Variants in UPRT observed in about 807,000 individuals in gnomAD.
UPRT encodes RP11-311P8.3.
In UPRT, 5 loss-of-function variants were observed where a neutral mutation model predicts 22.6. That is an observed-to-expected ratio of 0.22 (90% CI 0.12 to 0.47). The LOEUF is 0.47. UPRT is among the 20% of genes least tolerant of loss of function. The pLI is 0.99. For missense variants in UPRT, 181 were observed against 239.9 expected (o/e 0.75, Z 1.62); for synonymous variants, 77 against 87.7 (o/e 0.88, Z 0.68).
intron 1 of UPRT, among the ~76,000 whole-genome samples, chrX:75,284,272 T>G (rs1017339705): frequency 8.9e-6 from 1 of 111,837 alleles, no homozygotes; most frequent in African/African-American, 3.3e-5. Flanking sequence ...GCTTAATAAC[T>G]AACCTCCTGA....
chrX:75,243,335 A>G (rs1394639180), intron 4 of UPRT, among the ~76,000 whole-genome samples: 2 of 111,193 alleles, frequency 1.8e-5, no homozygotes, highest in African/African-American at 3.3e-5. Context: ...TCATGAATCT[A>G]TGGGAGTGTA....
intron 4 of UPRT, among the ~76,000 whole-genome samples, chrX:75,246,645 G>A (rs2082507585): frequency 9.0e-6 from 1 of 111,385 alleles, no homozygotes; most frequent in South Asian, 3.8e-4. Context: ...GGGTCAAATG[G>A]TATTTCTAGT....
At chrX:75,194,682 C>T (rs1026838138) in intron 4 of UPRT, among the ~76,000 whole-genome samples, 9 of 111,003 alleles carry the variant, frequency 8.1e-5, no homozygotes, top group South Asian at 7.8e-4. Flanking sequence ...TGTTTTTACA[C>T]GGGTGATGGT....
intron 1 of UPRT, among the ~76,000 whole-genome samples, chrX:75,276,940 T>C (rs910204439): frequency 1.8e-5 from 2 of 111,868 alleles, no homozygotes; most frequent in African/African-American, 6.5e-5. Context: ...TTTCTATTTC[T>C]AATGGTTTGC....
At chrX:75,200,431 C>CA (rs2082344296) in intron 4 of UPRT, among the ~76,000 whole-genome samples, 1 of 110,934 alleles carries the variant, frequency 9.0e-6, no homozygotes, top group South Asian at 3.9e-4. Flanking sequence ...TGGTCTCTAC[C>CA]AAAAAATGCA....
chrX:75,235,942 G>A (rs1367334053), intron 4 of UPRT, among the ~76,000 whole-genome samples: 2 of 111,048 alleles, frequency 1.8e-5, no homozygotes, highest in Admixed American at 9.7e-5. Flanking sequence ...TGGAAGTTCT[G>A]GCCAGGGCAA....
chrX:75,234,362 C>T (rs1299697740), intron 4 of UPRT, among the ~76,000 whole-genome samples: 1 of 111,053 alleles, frequency 9.0e-6, no homozygotes, highest in African/African-American at 3.3e-5. Flanking sequence ...CCACTGTCAA[C>T]ATTAGACAGA....
At chrX:75,218,034 A>C (rs2082398501) in intron 4 of UPRT, among the ~76,000 whole-genome samples, 1 of 111,913 alleles carries the variant, frequency 8.9e-6, no homozygotes, top group Non-Finnish European at 1.9e-5. Context: ...AAAATTGACA[A>C]GTGGGATCTA....
At chrX:75,209,714 T>C (rs1007870936) in intron 4 of UPRT, among the ~76,000 whole-genome samples, 2 of 111,899 alleles carry the variant, frequency 1.8e-5, no homozygotes, top group African/African-American at 6.5e-5. Flanking sequence ...GTTTTGAGGG[T>C]GGCCTGGGAT....
At chrX:75,246,068 A>C (rs1424649516) in intron 4 of UPRT, among the ~76,000 whole-genome samples, 1 of 111,226 alleles carries the variant, frequency 9.0e-6, no homozygotes, top group African/African-American at 3.3e-5. Context: ...AATGAATCTC[A>C]TTTTATATTT....
At position 75,177,426 on chromosome X, in the gene UPRT, G is replaced by A. The variant is rs896199237; in HGVS notation, c.-447+9547G>A. The stretch of plus-strand genomic sequence containing the variant: ...ACCTGCACCCTTGCCTGTCCTCCTA[G>A]ACCACAAGGAGGACCGACCGAGAAA... On this transcript the variant is annotated intron_variant, in intron 4 of 13. Transcript: ENST00000652605. Among the ~76,000 whole-genome samples the A allele has an allele frequency of 5.4e-5, 6 of 111,268 alleles. No homozygotes were observed. In the East Asian group the frequency reaches 1.4e-3, roughly 26 times the overall value.
At chrX:75,210,791 G>T (rs1000979616) in intron 4 of UPRT, among the ~76,000 whole-genome samples, 1 of 110,567 alleles carries the variant, frequency 9.0e-6, no homozygotes, top group African/African-American at 3.3e-5. Context: ...GAACATGATT[G>T]GTAGAGAGAG....
intron 1 of UPRT, among the ~76,000 whole-genome samples, chrX:75,157,620 A>G (rs1438675103): frequency 2.7e-5 from 3 of 111,961 alleles, no homozygotes; most frequent in African/African-American, 9.7e-5. Flanking sequence ...TCAGGAGAGT[A>G]ACATGATCAG....
At chrX:75,208,088 G>A (rs911299887) in intron 4 of UPRT, among the ~76,000 whole-genome samples, 3 of 111,581 alleles carry the variant, frequency 2.7e-5, no homozygotes, top group Non-Finnish European at 5.6e-5. Flanking sequence ...CCAAGAAGGA[G>A]AGGAGGTCCT....
At chrX:75,208,670 C>T (rs993179586) in intron 4 of UPRT, among the ~76,000 whole-genome samples, 1 of 111,323 alleles carries the variant, frequency 9.0e-6, no homozygotes, top group Non-Finnish European at 1.9e-5. Context: ...TTTTTGACAG[C>T]CACGATAGGG....
chrX:75,156,930 G>C (rs867122297), intron 1 of UPRT, among the ~76,000 whole-genome samples: 1 of 59,495 alleles, frequency 1.7e-5, no homozygotes, highest in Non-Finnish European at 4.2e-5. Context: ...CACACACAGA[G>C]AGACTACAGA....
In UPRT at chrX:75,303,901, C is replaced by T. The variant is rs1458048307; in HGVS notation, c.*390C>T. On this transcript the variant is annotated 3_prime_UTR_variant, in exon 7 of 7. Transcript: ENST00000373383. ...TTTGTTTAGTTTGGTTTTAGCTCTA[C>T]TAAGGTTTCACATATGTGGCTATTG... 7.8e-6 allele frequency: 1 copy of T among 128,784 alleles called. No individual in the cohort carries two copies. Among genetic ancestry groups the T allele is most frequent in the Non-Finnish European group, 1.5e-5 (1 of 65,238 alleles). The allele number at this position is 128,784 out of a possible 1,213,427, so 10.6% of individuals were successfully genotyped here. A position where few individuals can be genotyped will look rare whatever the true frequency, so the allele number is the denominator to read the frequency against.
intron 4 of UPRT, among the ~76,000 whole-genome samples, chrX:75,217,990 G>T (rs2082398294): frequency 9.0e-6 from 1 of 111,590 alleles, no homozygotes; most frequent in Non-Finnish European, 1.9e-5. Flanking sequence ...AGGACTTCAT[G>T]TCTAAAACAC....
intron 4 of UPRT, among the ~76,000 whole-genome samples, chrX:75,242,710 A>G (rs1397006443): frequency 2.7e-5 from 3 of 111,124 alleles, no homozygotes; most frequent in Non-Finnish European, 3.8e-5. Context: ...AGTGAGATAA[A>G]ACATATTGCA....
Sources: allele counts gnomAD v4.1 joint callset (sites outside exome capture counted in the v4.1 genomes callset), GRCh38; gene constraint gnomAD v4.1.1; transcripts MANE v1.5; gene names NCBI Gene and HGNC (gene_info 2026-07-23, HGNC 2026-07-21).